ADAMTSL1: variants seen among roughly 807,000 people sequenced by gnomAD.
The protein encoded by ADAMTSL1 is ADAMTS like 1.
In ADAMTSL1, 126 loss-of-function variants were observed where a neutral mutation model predicts 201.8. The observed-to-expected ratio is 0.62, with a 90% CI of 0.54 to 0.72. The LOEUF (loss-of-function observed/expected upper bound fraction) is 0.72. Among genes scored for constraint, ADAMTSL1 ranks in the 30% least tolerant of loss-of-function variants. The pLI is 0.00. For synonymous variants in ADAMTSL1, 1,121 were observed against 903.4 expected (o/e 1.24, Z -4.32); for missense variants, 2,679 against 2,277.8 (o/e 1.18, Z -3.59).
chr9:18,829,725 T>C (rs756146378), intron 22 of ADAMTSL1, 118 bp from the exon 23 acceptor site: 4 of 1,336,526 alleles, frequency 3.0e-6, no homozygotes, highest in Admixed American at 2.2e-5. Context: ...GCAACAATAG[T>C]AATGCCTATC....
intron 2 of ADAMTSL1, among the ~76,000 whole-genome samples, chr9:18,506,439 A>G (rs1167280143): frequency 1.3e-5 from 2 of 152,216 alleles, no homozygotes; most frequent in Non-Finnish European, 1.5e-5. Context: ...GATAAGAAAC[A>G]AAGGGGAATT....
intron 3 of ADAMTSL1, 63 bp from the exon 4 acceptor site, chr9:18,573,967 C>G: frequency 7.3e-7 from 1 of 1,362,896 alleles, no homozygotes; most frequent in Non-Finnish European, 1.0e-6. Context: ...TATAGCTGCT[C>G]TGGTTTCATG....
intron 7 of ADAMTSL1, among the ~76,000 whole-genome samples, chr9:18,657,364 G>A (rs1587820194): frequency 6.6e-6 from 1 of 152,166 alleles, no homozygotes; most frequent in South Asian, 2.1e-4. Flanking sequence ...TACAGGCTTG[G>A]AATAAGATGA....
chr9:18,209,398 C>A (rs891754703), intron 2 of ADAMTSL1, among the ~76,000 whole-genome samples: 20 of 152,038 alleles, frequency 1.3e-4, no homozygotes, highest in Admixed American at 3.3e-4. Context: ...TTTTTGTTAT[C>A]GAATCAGTAC....
intron 2 of ADAMTSL1, among the ~76,000 whole-genome samples, chr9:18,337,910 T>C (rs1213758721): frequency 6.6e-6 from 1 of 152,094 alleles, no homozygotes; most frequent in Non-Finnish European, 1.5e-5. Context: ...AAATGGGAAT[T>C]CTGGGCTCCA....
At position 18,610,199 on chromosome 9, in the gene ADAMTSL1, G is replaced by C. The variant is rs148474599; in HGVS notation, c.475-12044G>C. On this transcript the variant is annotated intron_variant, in intron 4 of 28. Coordinates refer to ENST00000380548, the MANE Select transcript of ADAMTSL1 (RefSeq NM_001040272.6). The stretch of plus-strand genomic sequence containing the variant: ...CAATTGTAAAGTTTATGGTAGAACT[G>C]GGGGTCATGTCATGGCTCTATTTGT... Among the ~76,000 whole-genome samples, 358 of 152,230 alleles carry C rather than the reference G, an allele frequency of 2.4e-3. 2 individuals are homozygous for C. Among genetic ancestry groups the C allele is most frequent in the Admixed American group, 5.6e-3 (86 of 15,276 alleles).
At chr9:18,742,706 C>G (rs1317801614) in intron 15 of ADAMTSL1, among the ~76,000 whole-genome samples, 2 of 152,004 alleles carry the variant, frequency 1.3e-5, no homozygotes, top group Non-Finnish European at 2.9e-5. Flanking sequence ...CAACAAGTGG[C>G]TGTGCCTGGC....
intron 2 of ADAMTSL1, among the ~76,000 whole-genome samples, chr9:18,448,614 T>G (rs1290836345): frequency 6.6e-6 from 1 of 152,234 alleles, no homozygotes; most frequent in African/African-American, 2.4e-5. Context: ...TAGATGTTTC[T>G]GCTAGAATGT....
At chr9:18,756,986 C>T (rs767786369) in intron 16 of ADAMTSL1, among the ~76,000 whole-genome samples, 10 of 152,130 alleles carry the variant, frequency 6.6e-5, no homozygotes, top group African/African-American at 2.2e-4. Context: ...TCTGCAGGTC[C>T]GGAGAGGACC....
At chr9:18,251,747 G>C (rs1233404731) in intron 2 of ADAMTSL1, among the ~76,000 whole-genome samples, 2 of 152,142 alleles carry the variant, frequency 1.3e-5, no homozygotes, top group African/African-American at 4.8e-5. Flanking sequence ...AAACCAAACA[G>C]GATAGAGCTG....
intron 2 of ADAMTSL1, among the ~76,000 whole-genome samples, chr9:18,398,926 T>C (rs1233505246): frequency 6.6e-6 from 1 of 152,132 alleles, no homozygotes; most frequent in Non-Finnish European, 1.5e-5. Flanking sequence ...ATAATGTAGA[T>C]GGTACAATGT....
chr9:18,620,692 A>G (rs1825983073), intron 4 of ADAMTSL1, among the ~76,000 whole-genome samples: 2 of 152,184 alleles, frequency 1.3e-5, no homozygotes, highest in East Asian at 1.9e-4. Context: ...GCCTCTGAAT[A>G]GATTGAGGCA....
intron 2 of ADAMTSL1, among the ~76,000 whole-genome samples, chr9:18,256,076 A>G (rs1831671552): frequency 6.6e-6 from 1 of 151,984 alleles, no homozygotes; most frequent in Non-Finnish European, 1.5e-5. Context: ...AATTTCTCTC[A>G]CTCTTATCAT....
chr9:17,992,164 CT>C (rs1332269910), intron 1 of ADAMTSL1, among the ~76,000 whole-genome samples: 3 of 152,114 alleles, frequency 2.0e-5, no homozygotes, highest in African/African-American at 7.2e-5. Flanking sequence ...TCCCACACCC[CT>C]GTCCAGGTTA....
At chr9:18,876,052 A>G (rs1204117785) in intron 23 of ADAMTSL1, among the ~76,000 whole-genome samples, 1 of 152,140 alleles carries the variant, frequency 6.6e-6, no homozygotes, top group Non-Finnish European at 1.5e-5. Context: ...TGGTATAAGA[A>G]TAGCTACTCC....
intron 2 of ADAMTSL1, among the ~76,000 whole-genome samples, chr9:18,412,324 G>A (rs1818478515): frequency 6.6e-6 from 1 of 152,178 alleles, no homozygotes; most frequent in African/African-American, 2.4e-5. Context: ...GTGGACACAG[G>A]TGGGATCAGC....
Position 18,777,714 on chromosome 9 carries a change from G to A in ADAMTSL1, c.3485G>A (p.Arg1162His). Reference protein sequence around the residue: ...DAGGGSRRPHRKPTILRKISA... With the variant: ...DAGGGSRRPHHKPTILRKISA... ...GGGGGAGGCTCTCGAAGGCCACACCGCAAGCCCACCATCCTGCGCAAGATC... is the reference window on the plus strand; with the variant it reads ...GGGGGAGGCTCTCGAAGGCCACACCACAAGCCCACCATCCTGCGCAAGATC... Residue 1162 changes from arginine to histidine, a missense_variant, in exon 19 of 29, where the codon CGC becomes CAC. Arg to His is a conservative substitution (Grantham distance 29). Coordinates refer to ENST00000380548, the MANE Select transcript of ADAMTSL1 (RefSeq NM_001040272.6). 1.2e-6 allele frequency: 2 copies of A among 1,613,198 alleles called. No homozygotes were observed. The highest frequency in any genetic ancestry group is 1.7e-5 in the Admixed American group (1 of 59,968).
rs200369314 is a variant in ADAMTSL1, at chr9:18,840,350, C to A, written c.4249+10373C>A. On this transcript the variant is annotated intron_variant, in intron 23 of 28. Transcript: ENST00000380548. ...TGTCAAAGATCAGATAGTTGTAGAT[C>A]TATGGCATTATTTCTGAGGACTCTG... is the stretch of plus-strand genomic sequence containing the variant. 1.2e-3 allele frequency among the ~76,000 whole-genome samples: 180 copies of A among 152,066 alleles called. No individual in the cohort carries two copies. In the Middle Eastern group the frequency reaches 0.014, roughly 11 times the overall value.
At chr9:18,799,521 TG>T (rs1822642169) in intron 20 of ADAMTSL1, among the ~76,000 whole-genome samples, 1 of 152,202 alleles carries the variant, frequency 6.6e-6, no homozygotes, top group South Asian at 2.1e-4. Context: ...TATGGAGCAT[TG>T]GTGAGGTCAT....
Sources: allele counts gnomAD v4.1 joint callset (sites outside exome capture counted in the v4.1 genomes callset), GRCh38; gene constraint gnomAD v4.1.1; transcripts MANE v1.5; gene names NCBI Gene and HGNC (gene_info 2026-07-23, HGNC 2026-07-21).